Variants in GTF3C2 observed in about 807,000 individuals in gnomAD.
GTF3C2 encodes the protein general transcription factor IIIC subunit 2, also known as general transcription factor 3C polypeptide 2.
A neutral mutation model predicts 117.4 loss-of-function variants in GTF3C2; 17 were observed. The observed-to-expected ratio is 0.14, with a 90% CI of 0.10 to 0.22. The LOEUF is 0.22. Among genes scored for constraint, GTF3C2 ranks in the 10% least tolerant of loss-of-function variants. The pLI is 1.00. For missense variants in GTF3C2, 888 were observed against 1,143.6 expected (o/e 0.78, Z 3.22); for synonymous variants, 437 against 427.0 (o/e 1.02, Z -0.29).
chr2:27,326,372 T>C (rs1680073103), exon 19 of GTF3C2: 7 of 506,516 alleles, frequency 1.4e-5, no homozygotes, highest in South Asian at 1.2e-4. Flanking sequence ...CACTTAACAA[T>C]ATGCTCAATA....
Position 27,329,589 on chromosome 2 carries a change from C to T in GTF3C2, c.1733-66G>A. The T allele has an allele frequency of 2.6e-6, 4 of 1,510,258 alleles. No individual in the cohort carries two copies. The highest frequency in any genetic ancestry group is 1.7e-5 in the Admixed American group (1 of 57,324). The allele number at this position is 1,510,258 out of a possible 1,614,324, so 93.6% of individuals were successfully genotyped here. A position where few individuals can be genotyped will look rare whatever the true frequency, so the allele number is the denominator to read the frequency against. ...CTCTCTTCCTTGCTCTAATTTCTTT[C>T]TCTGGGCTCCTAGGACCTTTGTCTT... On this transcript the variant is annotated intron_variant, in intron 12 of 18. Coordinates refer to ENST00000264720, the Ensembl canonical transcript of GTF3C2. The surrounding 1 kb of genome is among the most constrained non-coding windows in gnomAD (Gnocchi z 4.5).
chr2:27,346,638 G>C (rs1413646168), intron 1 of GTF3C2, among the ~76,000 whole-genome samples: 1 of 151,882 alleles, frequency 6.6e-6, no homozygotes, highest in Non-Finnish European at 1.5e-5. Flanking sequence ...CTCCCAAAAT[G>C]CTGGGATTAC....
intron 1 of GTF3C2, among the ~76,000 whole-genome samples, chr2:27,349,632 A>T (rs1430607019): frequency 6.6e-6 from 1 of 151,702 alleles, no homozygotes; most frequent in African/African-American, 2.4e-5. Context: ...AAATAGGAAT[A>T]AAGGGAGTAC....
intron 1 of GTF3C2, among the ~76,000 whole-genome samples, chr2:27,349,737 C>T (rs546889843): frequency 3.9e-5 from 6 of 151,998 alleles, no homozygotes; most frequent in Admixed American, 2.6e-4. Flanking sequence ...CTCCTGGGTT[C>T]AAGCAACTCT....
At chr2:27,342,944 G>C in exon 3 of GTF3C2, 1 of 1,614,042 alleles carries the variant, frequency 6.2e-7, no homozygotes, top group Non-Finnish European at 8.5e-7. Flanking sequence ...AGCAGCAGCA[G>C]CTCTGCCTTG....
At chr2:27,333,159 T>A (rs1418401098) in intron 12 of GTF3C2, among the ~76,000 whole-genome samples, 1 of 126,750 alleles carries the variant, frequency 7.9e-6, no homozygotes, top group Non-Finnish European at 1.6e-5. Context: ...GCATCTACTC[T>A]TTTTTTTTTT....
intron 11 of GTF3C2, 83 bp from the exon 12 acceptor site, chr2:27,333,867 C>G (rs1183461006): frequency 1.6e-5 from 24 of 1,477,812 alleles, no homozygotes; most frequent in Middle Eastern, 3.4e-4. Context: ...CTTAATCCAG[C>G]AGGATGAGGG....
chr2:27,328,846 A>C, exon 15 of GTF3C2: 1 of 1,610,024 alleles, frequency 6.2e-7, no homozygotes, highest in Non-Finnish European at 8.5e-7. Flanking sequence ...GGGCTCACCC[A>C]AACGGTGCCT....
At chr2:27,326,970 A>C (rs1485279500) in intron 18 of GTF3C2, 77 bp from the exon 19 acceptor site, 29 of 891,332 alleles carry the variant, frequency 3.3e-5, no homozygotes, top group African/African-American at 8.5e-5. Flanking sequence ...TATGAACAAA[A>C]AAAAAAAATG....
chr2:27,355,185 C>T (rs1260905067), intron 1 of GTF3C2, among the ~76,000 whole-genome samples: 1 of 152,198 alleles, frequency 6.6e-6, no homozygotes, highest in Non-Finnish European at 1.5e-5. Flanking sequence ...CAACTTCTTT[C>T]TATATATTGG....
At chr2:27,343,189 C>G (rs777970711) in intron 2 of GTF3C2, 42 bp from the exon 3 acceptor site, 1 of 1,513,088 alleles carries the variant, frequency 6.6e-7, no homozygotes, top group South Asian at 1.3e-5. Context: ...GACCAGAACT[C>G]AAACCTCTAT....
chr2:27,349,403 T>C (rs1365832428), intron 1 of GTF3C2, among the ~76,000 whole-genome samples: 2 of 152,046 alleles, frequency 1.3e-5, no homozygotes, highest in African/African-American at 4.8e-5. Context: ...CGCCGCGGCC[T>C]CCCAAAGTGC....
In GTF3C2 at chr2:27,338,311, G is replaced by A. The variant is rs762688790; in HGVS notation, c.856-291C>T. On this transcript the variant is annotated intron_variant, in intron 4 of 18. Coordinates refer to ENST00000264720, the Ensembl canonical transcript of GTF3C2. ...TCCCTTATGCCTCTTTGAAACTCCC[G>A]CCCTATGGAATAGTCTCCCTTACTC... 2.0e-4 allele frequency: 74 copies of A among 378,666 alleles called. 1 individual carries two copies. Among genetic ancestry groups the A allele is most frequent in the Admixed American group, 3.1e-4 (8 of 25,408 alleles). 23.5% of individuals were successfully genotyped at this position (378,666 alleles called of 1,614,324 possible). A position where few individuals can be genotyped will look rare whatever the true frequency, so the allele number is the denominator to read the frequency against.
At chr2:27,342,398 C>G (rs1243566838) in intron 3 of GTF3C2, 165 bp from the exon 4 acceptor site, 4 of 619,882 alleles carry the variant, frequency 6.5e-6, no homozygotes, top group Non-Finnish European at 1.1e-5. Flanking sequence ...AACCAGAAAT[C>G]TAAGTTATGT....
intron 12 of GTF3C2, among the ~76,000 whole-genome samples, chr2:27,332,944 G>A (rs1049724101): frequency 2.6e-5 from 4 of 151,500 alleles, no homozygotes; most frequent in African/African-American, 9.7e-5. Context: ...TCCATCTCTT[G>A]ACCTCATGAT....
intron 4 of GTF3C2, among the ~76,000 whole-genome samples, chr2:27,338,702 A>C (rs1424814490): frequency 6.7e-6 from 1 of 150,190 alleles, no homozygotes; most frequent in African/African-American, 2.5e-5. Context: ...ACACCTGGCT[A>C]ATTTTTTTGT....
At chr2:27,353,783 GATGATC>G (rs1681224948) in intron 1 of GTF3C2, among the ~76,000 whole-genome samples, 1 of 152,058 alleles carries the variant, frequency 6.6e-6, no homozygotes, top group African/African-American at 2.4e-5. Flanking sequence ...GCAGTAGTGC[GATGATC>G]ATGGCTCACT....
chr2:27,331,191 C>A (rs920470892), intron 12 of GTF3C2, among the ~76,000 whole-genome samples: 1 of 152,062 alleles, frequency 6.6e-6, no homozygotes, highest in African/African-American at 2.4e-5. Flanking sequence ...AGAACAGCAT[C>A]GAGAATCATG....
intron 1 of GTF3C2, among the ~76,000 whole-genome samples, chr2:27,345,186 C>T (rs961825243): frequency 6.6e-6 from 1 of 152,086 alleles, no homozygotes; most frequent in Non-Finnish European, 1.5e-5. Context: ...TGGGAGGCTC[C>T]TTGAGCCCAG....
Sources: gnomAD v4.1 joint callset for allele counts (sites outside exome capture counted in the v4.1 genomes callset) on GRCh38, gnomAD v4.1.1 for gene constraint, Gnocchi (gnomAD v3.1) non-coding constraint, MANE v1.5 for transcripts, NCBI Gene and HGNC (gene_info 2026-07-23, HGNC 2026-07-21) for gene names.